The following PRDM1 variants were observed in gnomAD, a reference collection of about 807,000 sequenced individuals.
PRDM1 encodes PR domain zinc finger protein 1.
A neutral mutation model predicts 62.8 loss-of-function variants in PRDM1; 13 were observed. That is an observed-to-expected ratio of 0.21 (90% CI 0.13 to 0.33). The LOEUF (loss-of-function observed/expected upper bound fraction) is 0.33, where lower values mean the gene tolerates loss of function less well. PRDM1 is among the 10% of genes least tolerant of loss of function. The pLI is 1.00. For missense variants in PRDM1, 895 were observed against 1,058.8 expected (o/e 0.85, Z 2.15); for synonymous variants, 396 against 417.6 (o/e 0.95, Z 0.63).
Position 106,108,356 on chromosome 6 carries a change from C to T in PRDM1, c.*870C>T, listed in dbSNP as rs147432245. Reference sequence around the variant, plus strand: ...CACCGAGTCCTGTGGCCATTCAGAGCGGCCACATGACTTTTGCATCCATTG... The same window carrying T: ...CACCGAGTCCTGTGGCCATTCAGAGTGGCCACATGACTTTTGCATCCATTG... On this transcript the variant is annotated 3_prime_UTR_variant, in exon 7 of 7. Transcript: ENST00000369096. 18 of 233,334 alleles carry T rather than the reference C, an allele frequency of 7.7e-5. No individual in the cohort carries two copies. The highest frequency in any genetic ancestry group is 9.3e-5 in the Non-Finnish European group (11 of 117,910). The allele number at this position is 233,334 out of a possible 1,614,324, so 14.5% of individuals were successfully genotyped here. A position where few individuals can be genotyped will look rare whatever the true frequency, so the allele number is the denominator to read the frequency against.
intron 1 of PRDM1, among the ~76,000 whole-genome samples, chr6:106,086,985 C>A (rs1033500503): frequency 6.8e-6 from 1 of 146,026 alleles, no homozygotes; most frequent in African/African-American, 2.5e-5. Context: ...TTGCATCCAA[C>A]TTTTTTTTTT....
intron 1 of PRDM1, among the ~76,000 whole-genome samples, chr6:106,015,970 C>A (rs950810061): frequency 2.6e-5 from 4 of 152,162 alleles, no homozygotes; most frequent in African/African-American, 4.8e-5. Context: ...AAAAGCTCTA[C>A]TGATTCAACA....
chr6:106,031,304 T>C (rs995406192), intron 1 of PRDM1, among the ~76,000 whole-genome samples: 2 of 152,192 alleles, frequency 1.3e-5, no homozygotes, highest in Non-Finnish European at 2.9e-5. Flanking sequence ...TGTGGTTCCA[T>C]GATAAGTGCA....
At chr6:106,044,804 A>G (rs1679661596), upstream of PRDM1, among the ~76,000 whole-genome samples, 1 of 152,146 alleles carries the variant, frequency 6.6e-6, no homozygotes, top group African/African-American at 2.4e-5. Context: ...AGAAAGTTTC[A>G]CTCTGATTTC....
intron 1 of PRDM1, among the ~76,000 whole-genome samples, chr6:106,062,400 A>G (rs991541825): frequency 6.6e-6 from 1 of 152,218 alleles, no homozygotes; most frequent in Admixed American, 6.5e-5. Flanking sequence ...ATGAAAATTC[A>G]TATCTTGAAA....
chr6:106,030,692 A>G (rs955549632), intron 1 of PRDM1, among the ~76,000 whole-genome samples: 2 of 152,136 alleles, frequency 1.3e-5, no homozygotes, highest in African/African-American at 2.4e-5. Context: ...AGATTCGTTT[A>G]GAGATAATCT....
intron 4 of PRDM1, chr6:106,099,846 A>T (rs1271912225): frequency 5.0e-6 from 2 of 402,918 alleles, no homozygotes; most frequent in Non-Finnish European, 9.1e-6. Context: ...AGTTGGGAGA[A>T]TTACAGGGAT....
chr6:105,996,496 T>C (rs1402525950), intron 1 of PRDM1, among the ~76,000 whole-genome samples: 1 of 152,204 alleles, frequency 6.6e-6, no homozygotes, highest in Non-Finnish European at 1.5e-5. Context: ...TCATTGTAAG[T>C]TACCTGTTTC....
At position 106,106,334 on chromosome 6, in the gene PRDM1, C is replaced by A; in HGVS notation, c.1774-37C>A. The A allele has an allele frequency of 6.2e-7, 1 of 1,609,658 alleles. No individual in the cohort carries two copies. Among genetic ancestry groups the A allele is most frequent in the Non-Finnish European group, 8.5e-7 (1 of 1,176,782 alleles). On this transcript the variant is annotated intron_variant, in intron 5 of 6. Transcript: ENST00000369096. The surrounding 1 kb of genome is among the most constrained non-coding windows in gnomAD (Gnocchi z 4.4). Reference sequence around the variant, plus strand: ...CAGAAATGTTAGGTCTCAGAGCCAGCTTGAGAGCAGAGCTAACACATGTGG... The same window carrying A: ...CAGAAATGTTAGGTCTCAGAGCCAGATTGAGAGCAGAGCTAACACATGTGG...
At chr6:106,010,695 A>G (rs1229257188) in intron 1 of PRDM1, among the ~76,000 whole-genome samples, 1 of 152,228 alleles carries the variant, frequency 6.6e-6, no homozygotes, top group Non-Finnish European at 1.5e-5. Flanking sequence ...ACTATGAAGT[A>G]CTAAAACTAG....
chr6:106,070,079 A>G (rs1009586430), intron 1 of PRDM1, among the ~76,000 whole-genome samples: 1 of 152,122 alleles, frequency 6.6e-6, no homozygotes, highest in Non-Finnish European at 1.5e-5. Context: ...AGCTAAATCA[A>G]TCTTCAAAGG....
intron 1 of PRDM1, among the ~76,000 whole-genome samples, chr6:106,029,508 A>T (rs1200713828): frequency 6.6e-6 from 1 of 152,176 alleles, no homozygotes; most frequent in Non-Finnish European, 1.5e-5. Context: ...AATGATTTTG[A>T]GATTCATCCA....
intron 1 of PRDM1, among the ~76,000 whole-genome samples, chr6:106,050,728 T>C (rs1366132837): frequency 2.0e-5 from 3 of 152,214 alleles, no homozygotes; most frequent in Non-Finnish European, 4.4e-5. Flanking sequence ...AACACGTATT[T>C]TGTAACAGTC....
At chr6:106,094,244 C>T (rs1774031155) in intron 2 of PRDM1, among the ~76,000 whole-genome samples, 1 of 152,218 alleles carries the variant, frequency 6.6e-6, no homozygotes, top group Non-Finnish European at 1.5e-5. Context: ...TCTATTACCA[C>T]TCCCTCCTCC....
At chr6:106,083,207 G>A (rs528516055), upstream of PRDM1, among the ~76,000 whole-genome samples, 1 of 118,612 alleles carries the variant, frequency 8.4e-6, no homozygotes, top group South Asian at 3.4e-4. Flanking sequence ...AGCGGGAAAT[G>A]GGTGTGGGGG....
intron 3 of PRDM1, among the ~76,000 whole-genome samples, chr6:106,097,373 A>G (rs1774141005): frequency 6.6e-6 from 1 of 152,234 alleles, no homozygotes; most frequent in Non-Finnish European, 1.5e-5. Flanking sequence ...TTAAAGATTC[A>G]CTGTAAGTAA....
In PRDM1 at chr6:106,109,693, TAA is replaced by T; in HGVS notation, c.*2209_*2210del. The T allele has an allele frequency of 4.3e-6, 1 of 233,392 alleles. No individual in the cohort carries two copies. 14.5% of individuals were successfully genotyped at this position (233,392 alleles called of 1,614,324 possible). On this transcript the variant is annotated 3_prime_UTR_variant, in exon 7 of 7. Transcript: ENST00000369096. The stretch of plus-strand genomic sequence containing the variant: ...TGCTTTCCCATAGTGAGAATTTTTA[TAA>T]AGACTTCTTGCTTCTCTCACCATCC...
In PRDM1 at chr6:106,073,416, C is replaced by T. The variant is rs541132871; in HGVS notation, c.-66-14785C>T. 6.1e-4 allele frequency among the ~76,000 whole-genome samples: 93 copies of T among 152,200 alleles called. No homozygotes were observed. The Middle Eastern group carries it at 0.021, about 34-fold the overall frequency. ...AGACATGAGCCACAGCACCCGGCCT[C>T]AATTTCCTTTTGATTAGGTATTAAG... On this transcript the variant is annotated intron_variant, in intron 1 of 6. Transcript: ENST00000651185.
chr6:106,075,369 C>G (rs1314592028), intron 1 of PRDM1, among the ~76,000 whole-genome samples: 3 of 152,060 alleles, frequency 2.0e-5, no homozygotes, highest in Non-Finnish European at 4.4e-5. Context: ...AGTTCTGATT[C>G]TTAACTAATT....
Sources: gnomAD v4.1 joint callset for allele counts (sites outside exome capture counted in the v4.1 genomes callset) on GRCh38, gnomAD v4.1.1 for gene constraint, Gnocchi (gnomAD v3.1) non-coding constraint, MANE v1.5 for transcripts, NCBI Gene and HGNC (gene_info 2026-07-23, HGNC 2026-07-21) for gene names.